The following PTPRG variants were observed in gnomAD, a reference collection of about 807,000 sequenced individuals.
PTPRG encodes the protein protein tyrosine phosphatase receptor type G.
PTPRG carries 102 observed loss-of-function variants against 165.3 expected under a neutral mutation model. The ratio of observed to expected loss-of-function variants is 0.62; its 90% CI spans 0.53 to 0.73. The LOEUF is 0.73. Among genes scored for constraint, PTPRG ranks in the 30% least tolerant of loss-of-function variants. PTPRG has a pLI of 0.00. For synonymous variants in PTPRG, 675 were observed against 669.5 expected, an observed-to-expected ratio of 1.01 and a Z score of -0.13; for missense variants, 1,866 against 1,861.4, an observed-to-expected ratio of 1.00 and a Z score of -0.05.
chr3:62,145,991 G>C (rs951486153), intron 6 of PTPRG, among the ~76,000 whole-genome samples: 1 of 152,142 alleles, frequency 6.6e-6, no homozygotes, highest in East Asian at 1.9e-4. Context: ...TTGTGAATTA[G>C]GTCATTGACT....
intron 2 of PTPRG, among the ~76,000 whole-genome samples, chr3:61,988,438 T>G (rs1189956201): frequency 6.6e-6 from 1 of 152,146 alleles, no homozygotes; most frequent in African/African-American, 2.4e-5. Flanking sequence ...GACTCTTATT[T>G]AGTGGTAGGC....
At position 62,111,442 on chromosome 3, in the gene PTPRG, G is replaced by C. The variant is rs542277322; in HGVS notation, c.616-21160G>C. ...TCTCTGATAAAGACTGAAGTAAAAA[G>C]AATCTGTCATTTTCTTTTCTGTTTA... On this transcript the variant is annotated intron_variant, in intron 5 of 29. Coordinates refer to ENST00000474889, the MANE Select transcript of PTPRG (RefSeq NM_002841.4). 1.4e-3 allele frequency among the ~76,000 whole-genome samples: 215 copies of C among 152,274 alleles called. 1 individual carries two copies. The highest frequency in any genetic ancestry group is 1.7e-3 in the Non-Finnish European group (117 of 68,026).
At chr3:62,116,555 A>C (rs928040906) in intron 5 of PTPRG, among the ~76,000 whole-genome samples, 1 of 152,208 alleles carries the variant, frequency 6.6e-6, no homozygotes, top group Non-Finnish European at 1.5e-5. Context: ...GAGTGAAAGA[A>C]GGTGAGACAA....
At chr3:62,090,468 TTAG>T (rs1701891069) in intron 5 of PTPRG, among the ~76,000 whole-genome samples, 1 of 152,182 alleles carries the variant, frequency 6.6e-6, no homozygotes. Flanking sequence ...ATATCTGAAC[TTAG>T]TAGCACAGCT....
chr3:61,825,026 C>G (rs1031983907), intron 2 of PTPRG, among the ~76,000 whole-genome samples: 1 of 152,128 alleles, frequency 6.6e-6, no homozygotes, highest in African/African-American at 2.4e-5. Flanking sequence ...GAATGGGAAG[C>G]AAAAGGTGAC....
intron 2 of PTPRG, among the ~76,000 whole-genome samples, chr3:61,909,041 G>A (rs912945119): frequency 1.3e-5 from 2 of 152,230 alleles, no homozygotes; most frequent in Admixed American, 1.3e-4. Context: ...AATGAAATGG[G>A]GTTTTTCTAC....
At chr3:62,264,683 A>C (rs1320806580) in intron 17 of PTPRG, among the ~76,000 whole-genome samples, 1 of 152,130 alleles carries the variant, frequency 6.6e-6, no homozygotes, top group African/African-American at 2.4e-5. Context: ...CATTTTGTCT[A>C]TTCATTCATC....
At chr3:62,187,507 A>G (rs1000110863) in intron 8 of PTPRG, among the ~76,000 whole-genome samples, 34 of 152,254 alleles carry the variant, frequency 2.2e-4, no homozygotes, top group Non-Finnish European at 4.4e-4. Flanking sequence ...ACTTGTGTCC[A>G]TAGATATTTC....
At chr3:61,822,328 G>A (rs1011907617) in intron 2 of PTPRG, among the ~76,000 whole-genome samples, 2 of 152,180 alleles carry the variant, frequency 1.3e-5, no homozygotes, top group Non-Finnish European at 2.9e-5. Flanking sequence ...AATAATTCTG[G>A]CCTGTTGGGA....
At chr3:62,269,250 C>T in intron 20 of PTPRG, 81 bp downstream of exon 20, 1 of 1,371,682 alleles carries the variant, frequency 7.3e-7, no homozygotes, top group Non-Finnish European at 9.7e-7. Flanking sequence ...AAGGCCAAAT[C>T]TCATAACCAA....
chr3:61,960,320 CTCT>C lies in PTPRG; in HGVS notation c.191-29297_191-29295del, dbSNP rs376420655. 6.9e-3 allele frequency among the ~76,000 whole-genome samples: 1,051 copies of C among 151,920 alleles called. 11 individuals are homozygous for C. Among genetic ancestry groups the C allele is most frequent in the African/African-American group, 0.023 (949 of 41,440 alleles). On this transcript the variant is annotated intron_variant, in intron 2 of 29. Transcript: ENST00000474889. ...GCATCTCCTGGAGTGGTGGCATGGC[CTCT>C]TCTTCTTGAAATGACTGAAACGGAA... is the stretch of plus-strand genomic sequence containing the variant.
At chr3:61,628,160 T>C (rs1029697483) in intron 1 of PTPRG, among the ~76,000 whole-genome samples, 1 of 152,230 alleles carries the variant, frequency 6.6e-6, no homozygotes, top group Non-Finnish European at 1.5e-5. Flanking sequence ...GATTTAGCTG[T>C]GTGCTAGGCA....
chr3:62,016,097 ATAGAG>A (rs1183134726), intron 4 of PTPRG, among the ~76,000 whole-genome samples: 1 of 152,128 alleles, frequency 6.6e-6, no homozygotes, highest in African/African-American at 2.4e-5. Context: ...CCCCCTCCTC[ATAGAG>A]TAAATTTGAG....
At chr3:62,062,794 C>T (rs977948376) in intron 4 of PTPRG, among the ~76,000 whole-genome samples, 3 of 152,102 alleles carry the variant, frequency 2.0e-5, no homozygotes, top group Non-Finnish European at 4.4e-5. Flanking sequence ...TCCCAAGTAG[C>T]ATGGACCACA....
rs1303476542 is a variant in PTPRG, at chr3:62,269,036, G to A, written c.2876G>A (p.Arg959Gln). 3 of 1,542,302 alleles carry A rather than the reference G, an allele frequency of 1.9e-6. No individual in the cohort carries two copies. Among genetic ancestry groups the A allele is most frequent in the South Asian group, 1.3e-5 (1 of 78,684 alleles). ...TTTACAACTTTTTTCTTTCTGCAGC[G>A]AAAATGTGATCAGTATTGGCCAACA... Reference protein sequence around the residue: ...MITNLVEKGRRKCDQYWPTEN... With the variant: ...MITNLVEKGRQKCDQYWPTEN... Residue 959 changes from arginine to glutamine, a missense_variant and splice_region_variant, in exon 20 of 30, where the codon CGA (arginine) becomes CAA (glutamine). By Grantham distance (43) the Arg-to-Gln change is conservative. Coordinates refer to ENST00000474889, the MANE Select transcript of PTPRG (RefSeq NM_002841.4).
chr3:61,969,021 C>T (rs574150619), intron 2 of PTPRG, among the ~76,000 whole-genome samples: 1 of 152,224 alleles, frequency 6.6e-6, no homozygotes. Flanking sequence ...TCAGATTCAC[C>T]AGAATTTGTA....
intron 3 of PTPRG, among the ~76,000 whole-genome samples, chr3:62,000,017 C>T (rs190873278): frequency 1.5e-3 from 224 of 152,230 alleles, no homozygotes; most frequent in Non-Finnish European, 2.4e-3. Context: ...CCCCCAGGCC[C>T]GGGCTGGGCA....
intron 2 of PTPRG, among the ~76,000 whole-genome samples, chr3:61,939,065 GA>G (rs1291981792): frequency 1.1e-4 from 17 of 152,236 alleles, no homozygotes; most frequent in African/African-American, 3.9e-4. Context: ...CAGCACCTGG[GA>G]AAACCGGAAC....
chr3:61,621,033 G>GTATATATA (rs368012442), intron 1 of PTPRG, among the ~76,000 whole-genome samples: 7 of 129,986 alleles, frequency 5.4e-5, no homozygotes, highest in Admixed American at 1.7e-4. Context: ...GTGTGTGTGT[G>GTATATATA]TATATATATA....
Sources: allele counts gnomAD v4.1 joint callset (sites outside exome capture counted in the v4.1 genomes callset), GRCh38; gene constraint gnomAD v4.1.1; transcripts MANE v1.5; gene names NCBI Gene and HGNC (gene_info 2026-07-23, HGNC 2026-07-21).